DNAH8: variants seen among roughly 807,000 people sequenced by gnomAD.
DNAH8 encodes axonemal beta dynein heavy chain 8.
In DNAH8, 382 loss-of-function variants were observed where a neutral mutation model predicts 562.1. The ratio of observed to expected loss-of-function variants is 0.68; its 90% CI spans 0.63 to 0.74. DNAH8 has a LOEUF of 0.74. Among genes scored for constraint, DNAH8 ranks in the 30% least tolerant of loss-of-function variants. The pLI is 0.00. For missense variants in DNAH8, 5,203 were observed against 5,620.4 expected (o/e 0.93, Z 2.37); for synonymous variants, 1,881 against 1,919.4 (o/e 0.98, Z 0.52).
intron 1 of DNAH8, among the ~76,000 whole-genome samples, chr6:38,719,329 A>T (rs1582813689): frequency 6.6e-6 from 1 of 152,100 alleles, no homozygotes; most frequent in South Asian, 2.1e-4. Flanking sequence ...TAAACCTGTC[A>T]CCCAGATAGT....
intron 58 of DNAH8, among the ~76,000 whole-genome samples, chr6:38,892,813 C>T (rs862436): frequency 0.75 from 114,348 of 151,998 alleles, 43,506 homozygotes; most frequent in Non-Finnish European, 0.79. Context: ...TTGCCTGCCA[C>T]CAACCTGCTC....
intron 77 of DNAH8, 90 bp downstream of exon 77, chr6:38,935,787 T>G: frequency 1.1e-6 from 1 of 907,148 alleles, no homozygotes; most frequent in South Asian, 1.9e-5. Flanking sequence ...CTATAGATGT[T>G]AGGAAATACT....
intron 59 of DNAH8, among the ~76,000 whole-genome samples, chr6:38,895,653 C>G (rs1005898185): frequency 6.6e-6 from 1 of 152,182 alleles, no homozygotes; most frequent in African/African-American, 2.4e-5. Context: ...AAGGGTGATA[C>G]TTGTCAAATG....
intron 73 of DNAH8, among the ~76,000 whole-genome samples, chr6:38,924,364 T>A (rs1781943798): frequency 6.6e-6 from 1 of 151,862 alleles, no homozygotes; most frequent in African/African-American, 2.4e-5. Context: ...ATACAAAAGT[T>A]AGCCGGGCAT....
chr6:38,733,295 T>G (rs909543266), intron 4 of DNAH8, among the ~76,000 whole-genome samples: 1 of 152,348 alleles, frequency 6.6e-6, no homozygotes, highest in Admixed American at 6.5e-5. Flanking sequence ...AACATAATTC[T>G]CATATTTTTA....
rs142515873 is a variant in DNAH8, at chr6:38,938,110, C to T, written c.11700C>T (p.Pro3900=). The T allele has an allele frequency of 4.2e-4, 674 of 1,613,952 alleles. 4 individuals carry two copies. The African/African-American group carries it at 4.5e-3, about 11-fold the overall frequency. Residue 3900 remains proline, a synonymous_variant, in exon 78 of 93, where the codon CCC becomes CCT. Transcript: ENST00000327475. ...KINAAQEEFR[P]AATRGSILYF... ...ACGCGGCTCAGGAGGAGTTCCGGCC[C>T]GCAGCCACCCGCGGAAGCATCCTCT...
intron 12 of DNAH8, among the ~76,000 whole-genome samples, chr6:38,772,996 T>G (rs113094317): frequency 0.19 from 20,812 of 109,944 alleles, 2,345 homozygotes; most frequent in Middle Eastern, 0.24. Context: ...TTTTTTTTTT[T>G]TTGTAGAGAT....
chr6:38,927,089 C>A (rs1190084383), intron 74 of DNAH8, among the ~76,000 whole-genome samples: 6 of 152,060 alleles, frequency 3.9e-5, no homozygotes, highest in Non-Finnish European at 8.8e-5. Context: ...AGTAGGAATT[C>A]TGATATTTAT....
rs754659211 is a variant in DNAH8, at chr6:38,803,321, C to G, written c.3034+10C>G. On this transcript the variant is annotated intron_variant, in intron 22 of 92. Transcript: ENST00000327475. ...GTAGGAAAACAGTCAGGTAACTTTT[C>G]TCGTTACTGTGTTTGAATTACAAGA... is the stretch of plus-strand genomic sequence containing the variant. 1.3e-6 allele frequency: 2 copies of G among 1,592,588 alleles called. No individual in the cohort carries two copies.
chr6:39,013,952 G>A (rs2150776134), intron 91 of DNAH8, among the ~76,000 whole-genome samples: 1 of 152,282 alleles, frequency 6.6e-6, no homozygotes, highest in East Asian at 1.9e-4. Context: ...TACTGGTTAT[G>A]TGGCTGAATT....
At chr6:38,750,284 GT>G (rs1355098989) in intron 8 of DNAH8, among the ~76,000 whole-genome samples, 191 bp from the exon 9 acceptor site, 2 of 152,188 alleles carry the variant, frequency 1.3e-5, no homozygotes, top group African/African-American at 4.8e-5. Context: ...TGAGTCTTCA[GT>G]TTTAGTAATT....
chr6:38,888,932 T>C (rs1561821443), intron 57 of DNAH8, among the ~76,000 whole-genome samples: 1 of 152,226 alleles, frequency 6.6e-6, no homozygotes, highest in African/African-American at 2.4e-5. Context: ...TTTCTGAGTC[T>C]CAAGAAGTCC....
intron 23 of DNAH8, among the ~76,000 whole-genome samples, chr6:38,807,048 C>G (rs1273040992): frequency 1.3e-5 from 2 of 152,190 alleles, no homozygotes; most frequent in Admixed American, 6.5e-5. Context: ...CTCTGCCTAC[C>G]AGGCTCAAAA....
At chr6:38,721,877 C>T (rs1392624910) in intron 1 of DNAH8, among the ~76,000 whole-genome samples, 1 of 152,174 alleles carries the variant, frequency 6.6e-6, no homozygotes, top group Non-Finnish European at 1.5e-5. Context: ...CTAGAAACCT[C>T]TTTTTCTGTC....
chr6:38,848,051 T>C (rs1678742), intron 36 of DNAH8, among the ~76,000 whole-genome samples: 77,775 of 151,894 alleles, frequency 0.51, 21,260 homozygotes, highest in East Asian at 0.84. Context: ...AACATCAGAC[T>C]TCAAGCTTGA....
intron 7 of DNAH8, among the ~76,000 whole-genome samples, chr6:38,738,657 AAGGG>A (rs1764295072): frequency 3.9e-5 from 6 of 152,182 alleles, no homozygotes; most frequent in Non-Finnish European, 5.9e-5. Context: ...TGTGAGGATC[AAGGG>A]GAAAAAATCT....
intron 3 of DNAH8, among the ~76,000 whole-genome samples, chr6:38,728,622 A>G (rs551048622): frequency 6.6e-6 from 1 of 152,268 alleles, no homozygotes; most frequent in South Asian, 2.1e-4. Context: ...TTAGGTGGCA[A>G]TTATGTGAGA....
At chr6:38,990,472 C>T (rs111467871) in intron 88 of DNAH8, among the ~76,000 whole-genome samples, 7 of 152,140 alleles carry the variant, frequency 4.6e-5, no homozygotes, top group African/African-American at 1.4e-4. Context: ...TGCTCTCCGC[C>T]GGCAGAAGAG....
intron 15 of DNAH8, among the ~76,000 whole-genome samples, chr6:38,780,724 A>G (rs1328284350): frequency 6.6e-6 from 1 of 152,200 alleles, no homozygotes; most frequent in East Asian, 1.9e-4. Context: ...AGGAAAAGCA[A>G]CTAATGGACA....
Sources: gnomAD v4.1 joint callset for allele counts (sites outside exome capture counted in the v4.1 genomes callset) on GRCh38, gnomAD v4.1.1 for gene constraint, MANE v1.5 for transcripts, NCBI Gene and HGNC (gene_info 2026-07-23, HGNC 2026-07-21) for gene names.